The following HLCS variants were observed in gnomAD, a reference collection of about 807,000 sequenced individuals.
The protein encoded by HLCS is biotin--protein ligase.
A neutral mutation model predicts 75.0 loss-of-function variants in HLCS; 53 were observed. The observed-to-expected ratio is 0.71, with a 90% CI of 0.57 to 0.89. The LOEUF is 0.89. HLCS is among the 40% of genes least tolerant of loss of function. The pLI is 0.00. For synonymous variants in HLCS, 431 were observed against 428.6 expected, an observed-to-expected ratio of 1.01 and a Z score of -0.07; for missense variants, 966 against 1,074.0, an observed-to-expected ratio of 0.90 and a Z score of 1.41.
Position 36,930,412 on chromosome 21 carries a change from T to G in HLCS, c.1459A>C (p.Ser487Arg). Residue 487 changes from serine to arginine, a missense_variant, in exon 5 of 11, where the codon AGC (serine) becomes CGC (arginine). Physicochemically the swap from Ser to Arg is moderately radical, Grantham distance 110. Coordinates refer to ENST00000674895, the MANE Select transcript of HLCS (RefSeq NM_001352514.2). ...LCQVHLELPP[S>R]SNIVQTPEDF... ...TCTGGAGTTTGCACTATGTTGGAGC[T>G]GGGAGGTAGTTCTAAGTGCACCTGA... is the stretch of plus-strand genomic sequence containing the variant. The G allele has an allele frequency of 6.2e-7, 1 of 1,614,164 alleles. No homozygotes were observed. The highest frequency in any genetic ancestry group is 1.1e-5 in the South Asian group (1 of 91,084).
chr21:36,942,769 A>T (rs2067207796), intron 2 of HLCS, among the ~76,000 whole-genome samples: 1 of 152,110 alleles, frequency 6.6e-6, no homozygotes, highest in Non-Finnish European at 1.5e-5. Context: ...CCAATTTAAA[A>T]ATGGGCAAAG....
At chr21:36,839,094 T>C (rs981493389) in intron 6 of HLCS, among the ~76,000 whole-genome samples, 10 of 152,228 alleles carry the variant, frequency 6.6e-5, no homozygotes, top group Admixed American at 6.5e-4. Context: ...CCTCCCGTCT[T>C]TAGAGCAATC....
intron 6 of HLCS, among the ~76,000 whole-genome samples, chr21:36,813,326 T>C (rs1265890888): frequency 6.6e-6 from 1 of 152,186 alleles, no homozygotes; most frequent in East Asian, 1.9e-4. Flanking sequence ...ATAATCTCAC[T>C]CATGCCTGAA....
chr21:36,793,295 C>CTTTTTTTTTTTATTTTTTTTTTT (rs2060927654), intron 6 of HLCS, among the ~76,000 whole-genome samples: 1 of 116,262 alleles, frequency 8.6e-6, no homozygotes, highest in Non-Finnish European at 1.8e-5. Context: ...AGGAAGCAGT[C>CTTTTTTTTTTTATTTTTTTTTTT]TTTTTTTTTT....
Position 36,751,237 on chromosome 21 carries a change from G to T in HLCS, c.*3009C>A, listed in dbSNP as rs965480034. 1 of 152,618 alleles carries T rather than the reference G, an allele frequency of 6.6e-6. No homozygotes were observed. The highest frequency in any genetic ancestry group is 1.5e-5 in the Non-Finnish European group (1 of 68,024). 9.5% of individuals were successfully genotyped at this position (152,618 alleles called of 1,614,324 possible). On this transcript the variant is annotated 3_prime_UTR_variant, in exon 11 of 11. Coordinates refer to ENST00000674895, the MANE Select transcript of HLCS (RefSeq NM_001352514.2). ...ATTTTGGTAGACTTGCTTTTTATAG[G>T]CATTGGTTTAAAGTGATTCTTTTCA...
At chr21:36,825,812 C>T (rs185794316) in intron 6 of HLCS, among the ~76,000 whole-genome samples, 5 of 152,252 alleles carry the variant, frequency 3.3e-5, no homozygotes, top group East Asian at 1.9e-4. Context: ...AACAATTTCA[C>T]GGATAAAAGA....
Position 36,767,243 on chromosome 21 carries a change from G to T in HLCS, c.1935C>A (p.Ile645=). ...QTPQEMGLIV[I]AARQTEGKGR... is the part of the protein sequence containing the mutation. ...CTTTGCCCTCGGTCTGCCGGGCCGC[G>T]ATCACTATTAAGCCCATTTCCTGCG... The change falls in exon 7 of 11, where the codon ATC becomes ATA. Residue 645 remains isoleucine, a synonymous_variant. Transcript: ENST00000674895. 6.2e-7 allele frequency: 1 copy of T among 1,614,150 alleles called. No homozygotes were observed. Among genetic ancestry groups the T allele is most frequent in the Non-Finnish European group, 8.5e-7 (1 of 1,180,018 alleles).
intron 2 of HLCS, among the ~76,000 whole-genome samples, chr21:36,945,318 GA>G (rs1256709558): frequency 1.3e-5 from 2 of 148,832 alleles, no homozygotes; most frequent in South Asian, 2.1e-4. Context: ...CATCATTCAG[GA>G]AAAAAAAATA....
At chr21:36,754,970 A>G (rs1375163345) in intron 10 of HLCS, among the ~76,000 whole-genome samples, 3 of 152,246 alleles carry the variant, frequency 2.0e-5, no homozygotes, top group Admixed American at 2.0e-4. Context: ...TCTAAAGAAA[A>G]GCTGAAAGAA....
intron 2 of HLCS, among the ~76,000 whole-genome samples, chr21:36,955,255 ATG>A (rs2067879499): frequency 6.6e-6 from 1 of 152,114 alleles, no homozygotes; most frequent in South Asian, 2.1e-4. Flanking sequence ...GCCTAGACTA[ATG>A]TGTGTGTTTC....
intron 6 of HLCS, among the ~76,000 whole-genome samples, chr21:36,820,186 T>G (rs1003370648): frequency 6.6e-6 from 1 of 151,424 alleles, no homozygotes. Context: ...TTCCCATGAG[T>G]TGGGGACTAG....
chr21:36,910,486 C>T (rs1226467763), intron 5 of HLCS, among the ~76,000 whole-genome samples: 1 of 150,878 alleles, frequency 6.6e-6, no homozygotes. Context: ...GTGGAGGGTG[C>T]AGTGAGCAGA....
At chr21:36,768,834 G>C (rs1021873100) in intron 6 of HLCS, among the ~76,000 whole-genome samples, 4 of 152,244 alleles carry the variant, frequency 2.6e-5, no homozygotes, top group African/African-American at 9.6e-5. Flanking sequence ...TGGACCAGCA[G>C]AAAATCTAAG....
At chr21:36,796,577 G>T (rs2061031884) in intron 6 of HLCS, among the ~76,000 whole-genome samples, 2 of 152,144 alleles carry the variant, frequency 1.3e-5, no homozygotes, top group Admixed American at 1.3e-4. Flanking sequence ...CCAGGGCGTT[G>T]GGAGACTTCC....
chr21:36,756,254 C>G (rs556965051), intron 10 of HLCS, among the ~76,000 whole-genome samples: 14 of 135,326 alleles, frequency 1.0e-4, no homozygotes, highest in Non-Finnish European at 1.8e-4. Context: ...CTGGCTAACA[C>G]GGTGAAACCC....
intron 4 of HLCS, among the ~76,000 whole-genome samples, chr21:36,935,163 A>C (rs542453079): frequency 6.6e-6 from 1 of 152,312 alleles, no homozygotes; most frequent in South Asian, 2.1e-4. Flanking sequence ...CGGGTTTTTA[A>C]GTGGATTTTC....
Position 36,936,884 on chromosome 21 carries a change from G to A in HLCS, c.1002C>T (p.Ala334=), listed in dbSNP as rs116114362. Residue 334 remains alanine (A), a synonymous_variant, in exon 4 of 11, where the codon GCC becomes GCT. Transcript: ENST00000674895. The stretch of plus-strand genomic sequence containing the variant: ...TATAACTGTCAATGTCCACACAGTC[G>A]GCCAGCACAGACCGGACCTCGTGGA... ...GRFHEVRSVL[A]DCVDIDSYIL... The A allele has an allele frequency of 6.3e-4, 1,024 of 1,614,104 alleles. 6 individuals are homozygous for A. The African/African-American group carries it at 0.012, about 19-fold the overall frequency.
intron 8 of HLCS, among the ~76,000 whole-genome samples, chr21:36,763,946 T>C (rs977883513): frequency 6.6e-6 from 1 of 152,144 alleles, no homozygotes; most frequent in African/African-American, 2.4e-5. Flanking sequence ...TGGTCAACAG[T>C]GGATAAAGGA....
chr21:36,907,846 CT>C (rs2065526261), intron 5 of HLCS, among the ~76,000 whole-genome samples: 1 of 152,154 alleles, frequency 6.6e-6, no homozygotes, highest in African/African-American at 2.4e-5. Flanking sequence ...TGAATAGACA[CT>C]GCCCAAAAGA....
Sources: allele counts gnomAD v4.1 joint callset (sites outside exome capture counted in the v4.1 genomes callset), GRCh38; gene constraint gnomAD v4.1.1; transcripts MANE v1.5; gene names NCBI Gene and HGNC (gene_info 2026-07-23, HGNC 2026-07-21).